COL6A6: variants seen among roughly 807,000 people sequenced by gnomAD.
COL6A6 encodes the protein collagen type VI alpha 6 chain.
In COL6A6, 183 loss-of-function variants were observed where a neutral mutation model predicts 208.6. That is an observed-to-expected ratio of 0.88 (90% CI 0.78 to 0.99). The LOEUF (loss-of-function observed/expected upper bound fraction) is 0.99. Among genes scored for constraint, COL6A6 ranks in the 50% least tolerant of loss-of-function variants. COL6A6 has a pLI of 0.00. For missense variants in COL6A6, 2,816 were observed against 2,815.2 expected (o/e 1.00, Z -0.01); for synonymous variants, 973 against 1,011.8 (o/e 0.96, Z 0.73).
At chr3:130,553,862 TTTTGTTTTG>T (rs1217962865) in intron 1 of COL6A6, among the ~76,000 whole-genome samples, 39 of 26,942 alleles carry the variant, frequency 1.4e-3, no homozygotes, top group Non-Finnish European at 0.011. Flanking sequence ...TTTTGTTTTG[TTTTGTTTTG>T]TTTTTTTGCT....
intron 23 of COL6A6, among the ~76,000 whole-genome samples, chr3:130,616,390 G>T (rs1219263006): frequency 6.6e-6 from 1 of 152,042 alleles, no homozygotes; most frequent in African/African-American, 2.4e-5. Flanking sequence ...AATCAAATGT[G>T]TGCTAATCCA....
intron 9 of COL6A6, 24 bp from the exon 10 acceptor site, chr3:130,581,966 T>A: frequency 6.3e-7 from 1 of 1,598,524 alleles, no homozygotes; most frequent in Non-Finnish European, 8.5e-7. Flanking sequence ...TAATTCATTT[T>A]ACTTTTTTTG....
chr3:130,549,772 T>G (rs1167636752), intron 1 of COL6A6, among the ~76,000 whole-genome samples: 2 of 152,236 alleles, frequency 1.3e-5, no homozygotes, highest in African/African-American at 4.8e-5. Context: ...ACGAGTACCA[T>G]GCTGTTTTGG....
In COL6A6 at chr3:130,566,751, A is replaced by T. The variant is rs977562851; in HGVS notation, c.1332A>T (p.Ser444=). The stretch of plus-strand genomic sequence containing the variant: ...ACATCTATCTGCTTATCGATGGCTC[A>T]GGGAGCACCCAGGCCACAGATTTCC... ...EADIYLLIDG[S]GSTQATDFHE... is the part of the protein sequence containing the mutation. The change falls in exon 5 of 37, where the codon TCA becomes TCT. Residue 444 remains serine (S), a synonymous_variant. Transcript: ENST00000358511. 1.2e-5 allele frequency: 20 copies of T among 1,613,936 alleles called. No individual in the cohort carries two copies. The highest frequency in any genetic ancestry group is 1.7e-5 in the Admixed American group (1 of 60,024).
chr3:130,592,536 C>G lies in COL6A6; in HGVS notation c.4273-5C>G, dbSNP rs371775555. 3.8e-6 allele frequency: 6 copies of G among 1,592,150 alleles called. No individual in the cohort carries two copies. The African/African-American group carries it at 8.1e-5, about 21-fold the overall frequency. ...AAGCTCATTTGGATATGTGCCCTTT[C>G]TCAGGGAGAAAGAGGAGCCCCTGGA... On this transcript the variant is annotated splice_polypyrimidine_tract_variant and splice_region_variant and intron_variant, in intron 13 of 36. Transcript: ENST00000358511.
intron 1 of COL6A6, among the ~76,000 whole-genome samples, chr3:130,518,946 G>A (rs1027949759): frequency 5.9e-5 from 9 of 152,108 alleles, no homozygotes; most frequent in Non-Finnish European, 1.3e-4. Flanking sequence ...AGCATTCATT[G>A]GAGAATCATC....
chr3:130,662,386 T>A, intron 35 of COL6A6, 78 bp downstream of exon 35: 1 of 1,362,350 alleles, frequency 7.3e-7, no homozygotes, highest in Non-Finnish European at 1.0e-6. Flanking sequence ...TGAGCTAACA[T>A]GGATACTTGG....
intron 28 of COL6A6, 46 bp downstream of exon 28, chr3:130,635,807 A>C: frequency 2.2e-6 from 3 of 1,348,662 alleles, no homozygotes; most frequent in Non-Finnish European, 3.2e-6. Flanking sequence ...CTACATTGGG[A>C]AGTCCTCCTT....
chr3:130,635,821 G>A, intron 28 of COL6A6, 60 bp downstream of exon 28: 1 of 1,224,730 alleles, frequency 8.2e-7, no homozygotes, highest in Non-Finnish European at 1.2e-6. Context: ...CCTCCTTTGT[G>A]CATTTACAAT....
intron 7 of COL6A6, among the ~76,000 whole-genome samples, chr3:130,572,042 C>G (rs2063180806): frequency 6.6e-6 from 1 of 152,096 alleles, no homozygotes; most frequent in Non-Finnish European, 1.5e-5. Flanking sequence ...CATTTTTCCA[C>G]CCACTAGTTC....
At chr3:130,585,254 A>G (rs1258129239) in intron 10 of COL6A6, among the ~76,000 whole-genome samples, 1 of 152,228 alleles carries the variant, frequency 6.6e-6, no homozygotes, top group East Asian at 1.9e-4. Context: ...TATCTTTAGC[A>G]CATTTTTATT....
At chr3:130,543,155 C>T (rs747577437) in intron 1 of COL6A6, among the ~76,000 whole-genome samples, 7 of 152,078 alleles carry the variant, frequency 4.6e-5, no homozygotes, top group Non-Finnish European at 1.0e-4. Context: ...CTGCCCACCT[C>T]GGCCTCCCAA....
At chr3:130,539,923 T>C (rs146578334) in intron 1 of COL6A6, among the ~76,000 whole-genome samples, 1,865 of 152,322 alleles carry the variant, frequency 0.012, 36 homozygotes, top group African/African-American at 0.041. Flanking sequence ...TTTAAAAATA[T>C]ACATTTATTG....
At chr3:130,526,034 A>G (rs1029155680) in intron 1 of COL6A6, among the ~76,000 whole-genome samples, 10 of 152,156 alleles carry the variant, frequency 6.6e-5, no homozygotes, top group African/African-American at 1.9e-4. Context: ...TAGGTGCTGG[A>G]AAACAGACAA....
chr3:130,661,454 A>G (rs2065927613), intron 34 of COL6A6, among the ~76,000 whole-genome samples, 183 bp from the exon 35 acceptor site: 1 of 152,222 alleles, frequency 6.6e-6, no homozygotes, highest in South Asian at 2.1e-4. Context: ...GCTGGGTATA[A>G]AATCTGTACT....
intron 8 of COL6A6, among the ~76,000 whole-genome samples, chr3:130,575,218 C>G (rs2107963798): frequency 6.6e-6 from 1 of 152,324 alleles, no homozygotes; most frequent in South Asian, 2.1e-4. Context: ...GATCCCTGCT[C>G]TATGGCCATT....
At chr3:130,551,177 G>A (rs1290760722) in intron 1 of COL6A6, among the ~76,000 whole-genome samples, 1 of 152,016 alleles carries the variant, frequency 6.6e-6, no homozygotes, top group Non-Finnish European at 1.5e-5. Context: ...GGTGATGCTG[G>A]CATCACAGAA....
At chr3:130,642,243 ATGTGTGTGTGTGTGTGTGTGTGTGTGTG>A (rs3074299) in intron 29 of COL6A6, among the ~76,000 whole-genome samples, 1 of 142,100 alleles carries the variant, frequency 7.0e-6, no homozygotes, top group Admixed American at 6.9e-5. Flanking sequence ...GACAGATTAT[ATGTGTGTGTGTGTGTGTGTGTGTGTGTG>A]TGTGTGTGTG....
intron 8 of COL6A6, among the ~76,000 whole-genome samples, chr3:130,577,106 A>G (rs1351529886): frequency 6.6e-6 from 1 of 152,164 alleles, no homozygotes; most frequent in African/African-American, 2.4e-5. Context: ...TTTTTTGAGC[A>G]TCTACGAAGG....
Sources: allele counts gnomAD v4.1 joint callset (sites outside exome capture counted in the v4.1 genomes callset), GRCh38; gene constraint gnomAD v4.1.1; transcripts MANE v1.5; gene names NCBI Gene and HGNC (gene_info 2026-07-23, HGNC 2026-07-21).